Variants in MTIF2 observed in about 807,000 individuals in gnomAD.
MTIF2 encodes the protein mitochondrial translational initiation factor 2.
A neutral mutation model predicts 83.5 loss-of-function variants in MTIF2; 71 were observed. That is an observed-to-expected ratio of 0.85 (90% CI 0.70 to 1.04). The LOEUF is 1.04. Ranked by LOEUF, MTIF2 falls within the 50% of genes least tolerant of loss-of-function variation. The pLI is 0.00. For synonymous variants in MTIF2, 319 were observed against 287.1 expected, an observed-to-expected ratio of 1.11 and a Z score of -1.12; for missense variants, 957 against 846.5, an observed-to-expected ratio of 1.13 and a Z score of -1.62.
At chr2:55,265,180 T>C (rs1468757222) in intron 3 of MTIF2, among the ~76,000 whole-genome samples, 2 of 151,048 alleles carry the variant, frequency 1.3e-5, no homozygotes, top group African/African-American at 2.4e-5. Context: ...GAGGTCGAGG[T>C]TGCAGTGAGC....
chr2:55,253,477 G>A (rs187440410), intron 7 of MTIF2, among the ~76,000 whole-genome samples: 13 of 152,092 alleles, frequency 8.5e-5, no homozygotes, highest in Non-Finnish European at 1.8e-4. Context: ...TCAAGGGTTC[G>A]ACACCAGCCT....
intron 6 of MTIF2, 86 bp downstream of exon 6, chr2:55,254,568 T>G (rs1338183832): frequency 1.1e-5 from 13 of 1,214,508 alleles, no homozygotes; most frequent in Non-Finnish European, 1.3e-5. Context: ...CAAAAGAAAT[T>G]TTAAAGCAAA....
intron 8 of MTIF2, among the ~76,000 whole-genome samples, chr2:55,252,032 T>C (rs954681124): frequency 2.6e-5 from 4 of 152,182 alleles, no homozygotes; most frequent in African/African-American, 9.7e-5. Context: ...TTTTATACAT[T>C]TGATCAGATA....
intron 14 of MTIF2, among the ~76,000 whole-genome samples, chr2:55,238,186 A>G (rs940069001): frequency 9.3e-4 from 9 of 9,720 alleles, no homozygotes. Flanking sequence ...GCGTGCCACC[A>G]TGCCCACTAA....
At chr2:55,266,079 G>GCCATT (rs1678406148) in intron 3 of MTIF2, among the ~76,000 whole-genome samples, 1 of 151,948 alleles carries the variant, frequency 6.6e-6, no homozygotes, top group South Asian at 2.1e-4. Flanking sequence ...GCGGCAGCGG[G>GCCATT]GGTCCTGGAA....
Position 55,243,537 on chromosome 2 carries a change from A to AT in MTIF2, c.1442dup (p.Tyr481Ter). Residue 481 changes from tyrosine to a stop codon, truncating the protein, a stop_gained and frameshift_variant, in exon 12 of 16, where the codon TAT becomes TAAT. Transcript: ENST00000263629. LOFTEE classifies it high-confidence loss of function. Reference protein sequence around the residue: ...KEAHQKAREKYGHLLWKKRSI... With the variant: ...KEAHQKAREK ...ATCTCTTCTTCCACAGTAGATGGCCATACTTCTCACGGGCTTTCTGATGTG... is the reference window on the plus strand; with the variant it reads ...ATCTCTTCTTCCACAGTAGATGGCCATTACTTCTCACGGGCTTTCTGATGTG... 6.2e-7 allele frequency: 1 copy of AT among 1,614,084 alleles called. No individual in the cohort carries two copies. The highest frequency in any genetic ancestry group is 8.5e-7 in the Non-Finnish European group (1 of 1,180,006).
At chr2:55,249,371 T>C in intron 9 of MTIF2, 24 bp downstream of exon 9, 1 of 1,612,392 alleles carries the variant, frequency 6.2e-7, no homozygotes, top group Non-Finnish European at 8.5e-7. Context: ...TCCAGGCATA[T>C]TTATATGAGG....
intron 10 of MTIF2, 151 bp downstream of exon 10, chr2:55,246,186 T>C: frequency 1.1e-6 from 1 of 922,672 alleles, no homozygotes; most frequent in Non-Finnish European, 1.5e-6. Flanking sequence ...CTTGTATTAG[T>C]ACAAACAATA....
At position 55,254,817 on chromosome 2, in the gene MTIF2, A is replaced by G. The variant is rs143272101; in HGVS notation, c.340T>C (p.Tyr114His). ...ATATCAGTGTTCAATAAAGCTTCATATACATAATCTGATTGGAATAAAATA... is the reference window on the plus strand; with the variant it reads ...ATATCAGTGTTCAATAAAGCTTCATGTACATAATCTGATTGGAATAAAATA... ...RAMEKNTDYV[Y>H]EALLNTDIDI... The change falls in exon 6 of 16, where the codon TAT (tyrosine) becomes CAT (histidine). Residue 114 changes from tyrosine (Y) to histidine (H), a missense_variant. This residue lies in a region of MTIF2 where 733 missense variants were observed against 648.7 expected (regional missense o/e 1.13). Coordinates refer to ENST00000263629, the MANE Select transcript of MTIF2 (RefSeq NM_002453.3). 24 of 1,568,304 alleles carry G rather than the reference A, an allele frequency of 1.5e-5. No individual in the cohort carries two copies. The African/African-American group carries it at 3.3e-4, about 22-fold the overall frequency.
Position 55,252,619 on chromosome 2 carries a change from A to T in MTIF2, c.699T>A (p.Leu233=), listed in dbSNP as rs779602506. The T allele has an allele frequency of 1.2e-6, 2 of 1,613,432 alleles. No individual in the cohort carries two copies. The highest frequency in any genetic ancestry group is 1.7e-6 in the Non-Finnish European group (2 of 1,179,726). ...AGAAAGCAGCATGTCCTGGAGTATC[A>T]AGAAAAGTTATCTTTTCCCCAGAAG... ...SLPSGEKITF[L]DTPGHAAFSA... The change falls in exon 8 of 16, where the codon CTT becomes CTA. Residue 233 remains leucine, a synonymous_variant. Transcript: ENST00000263629.
At chr2:55,267,132 A>G (rs1395222768) in intron 3 of MTIF2, among the ~76,000 whole-genome samples, 2 of 151,848 alleles carry the variant, frequency 1.3e-5, no homozygotes, top group Non-Finnish European at 2.9e-5. Context: ...TAGTAAATGT[A>G]TGGTTCTGAC....
chr2:55,248,778 T>C (rs17046787), intron 9 of MTIF2, among the ~76,000 whole-genome samples: 11,545 of 152,270 alleles, frequency 0.076, 1,401 homozygotes, highest in African/African-American at 0.26. Flanking sequence ...AGACCTGTTT[T>C]CCACTTGTAA....
Position 55,249,385 on chromosome 2 carries a change from C to G in MTIF2, c.981+10G>C, listed in dbSNP as rs534693937. The G allele has an allele frequency of 2.5e-6, 4 of 1,613,388 alleles. No individual in the cohort carries two copies. The African/African-American group carries it at 4.0e-5, about 16-fold the overall frequency. ...ATCCAGGCATATTTATATGAGGTCC[C>G]CGCATTTACCGTAAGTGCGGAGACA... is the stretch of plus-strand genomic sequence containing the variant. On this transcript the variant is annotated intron_variant, in intron 9 of 15. Coordinates refer to ENST00000263629, the MANE Select transcript of MTIF2 (RefSeq NM_002453.3).
At chr2:55,247,328 G>A (rs1233125765) in intron 9 of MTIF2, among the ~76,000 whole-genome samples, 12 of 152,274 alleles carry the variant, frequency 7.9e-5, no homozygotes, top group East Asian at 1.9e-4. Context: ...AAGCTGAGAC[G>A]GGCGGATCAC....
chr2:55,264,144 T>C (rs1011469157), intron 3 of MTIF2, among the ~76,000 whole-genome samples: 2 of 152,254 alleles, frequency 1.3e-5, no homozygotes, highest in Non-Finnish European at 2.9e-5. Flanking sequence ...TTTTTCACTC[T>C]TGAAATATCA....
chr2:55,265,219 G>A (rs552670725), intron 3 of MTIF2, among the ~76,000 whole-genome samples: 84 of 147,908 alleles, frequency 5.7e-4, no homozygotes, highest in African/African-American at 2.1e-3. Flanking sequence ...CTCTAGCCTG[G>A]ACGACAAGAA....
intron 5 of MTIF2, 123 bp downstream of exon 5, chr2:55,262,193 A>T: frequency 1.4e-6 from 1 of 715,966 alleles, no homozygotes; most frequent in Non-Finnish European, 2.5e-6. Flanking sequence ...TATTACAATG[A>T]CTTAATATAT....
Position 55,243,458 on chromosome 2 carries a change from T to C in MTIF2, c.1522A>G (p.Lys508Glu), listed in dbSNP as rs1402787845. The part of the protein sequence containing the change: ...KEQIPLKPKE[K>E]RERDSNVLSV... ...AGTACATTTGAATCTCTTTCCCTTT[T>C]CTCTTTTGGCTTTAAGGGTATTTGT... Residue 508 changes from lysine to glutamate, a missense_variant, in exon 12 of 16, where the codon AAA becomes GAA. By Grantham distance (56) the Lys-to-Glu change is moderately conservative. Around this residue, in one of 3 missense-constraint regions of MTIF2, gnomAD observed 733 missense variants for 648.7 expected, o/e 1.13. Transcript: ENST00000263629. 3.1e-6 allele frequency: 5 copies of C among 1,612,070 alleles called. No homozygotes were observed. The highest frequency in any genetic ancestry group is 4.2e-6 in the Non-Finnish European group (5 of 1,178,808).
At chr2:55,260,543 G>C (rs1006999365) in intron 5 of MTIF2, among the ~76,000 whole-genome samples, 4 of 152,094 alleles carry the variant, frequency 2.6e-5, no homozygotes, top group African/African-American at 9.7e-5. Flanking sequence ...AATAATTATT[G>C]AAAGATAATG....
Sources: gnomAD v4.1 joint callset for allele counts (sites outside exome capture counted in the v4.1 genomes callset) on GRCh38, gnomAD v4.1.1 for gene constraint, gnomAD v4.1.1 regional missense constraint, MANE v1.5 for transcripts, NCBI Gene and HGNC (gene_info 2026-07-23, HGNC 2026-07-21) for gene names.